The following CDH13 variants were observed in gnomAD, a reference collection of about 807,000 sequenced individuals.
The protein encoded by CDH13 is cadherin 13.
CDH13 carries 24 observed loss-of-function variants against 63.8 expected under a neutral mutation model. That is an observed-to-expected ratio of 0.38 (90% CI 0.27 to 0.53). The LOEUF (loss-of-function observed/expected upper bound fraction) is 0.53. Ranked by LOEUF, CDH13 falls within the 20% of genes least tolerant of loss-of-function variation. CDH13 has a pLI of 0.85. For missense variants in CDH13, 1,049 were observed against 903.1 expected (o/e 1.16, Z -2.07); for synonymous variants, 503 against 355.3 (o/e 1.42, Z -4.67).
At chr16:83,008,685 C>T (rs1913801805) in intron 2 of CDH13, among the ~76,000 whole-genome samples, 1 of 152,120 alleles carries the variant, frequency 6.6e-6, no homozygotes, top group South Asian at 2.1e-4. Flanking sequence ...CAGTGAGGAG[C>T]TTACCACCGT....
At chr16:83,257,079 A>C (rs1906385683) in intron 5 of CDH13, among the ~76,000 whole-genome samples, 1 of 151,938 alleles carries the variant, frequency 6.6e-6, no homozygotes, top group African/African-American at 2.4e-5. Context: ...TTTTGAAGGA[A>C]CCATACAGGC....
intron 3 of CDH13, among the ~76,000 whole-genome samples, chr16:83,041,528 C>A (rs188250911): frequency 6.6e-6 from 1 of 152,008 alleles, no homozygotes; most frequent in Non-Finnish European, 1.5e-5. Flanking sequence ...CCTGCTAATA[C>A]GTCTCTTACT....
rs779597476 is a variant in CDH13 at position 82,704,331 on chromosome 16, C to T, written c.45+77194C>T. 4.6e-5 allele frequency among the ~76,000 whole-genome samples: 7 copies of T among 152,334 alleles called. No homozygotes were observed. The East Asian group carries it at 9.6e-4, about 21-fold the overall frequency. On this transcript the variant is annotated intron_variant, in intron 1 of 13. Coordinates refer to ENST00000567109, the MANE Select transcript of CDH13 (RefSeq NM_001257.5). ...ATGAATCATTAAGGCTGTGTCCACC[C>T]GGATTGCTCTGGCTCTCTGGCCTGT...
At chr16:82,650,955 A>G (rs1910654278) in intron 1 of CDH13, among the ~76,000 whole-genome samples, 1 of 152,182 alleles carries the variant, frequency 6.6e-6, no homozygotes, top group South Asian at 2.1e-4. Flanking sequence ...GCTGGGCTAG[A>G]ATGGGTTTTC....
At chr16:82,780,410 T>C (rs1177295854) in intron 1 of CDH13, among the ~76,000 whole-genome samples, 1 of 152,186 alleles carries the variant, frequency 6.6e-6, no homozygotes. Flanking sequence ...AAATATTCAG[T>C]CATGACAGTC....
intron 5 of CDH13, among the ~76,000 whole-genome samples, chr16:83,276,092 G>T (rs1034127981): frequency 3.9e-5 from 6 of 152,156 alleles, no homozygotes; most frequent in Non-Finnish European, 8.8e-5. Flanking sequence ...CATCAGGATT[G>T]AACAGGCTTA....
chr16:83,438,536 T>C (rs6563908), intron 6 of CDH13, among the ~76,000 whole-genome samples: 148,834 of 152,334 alleles, frequency 0.98, 72,747 homozygotes, highest in East Asian at 1. Context: ...CTGGAGTCTT[T>C]ATTTCTAGTA....
chr16:83,765,615 A>G (rs1914326192), intron 11 of CDH13, among the ~76,000 whole-genome samples: 1 of 152,078 alleles, frequency 6.6e-6, no homozygotes, highest in East Asian at 1.9e-4. Context: ...CAAGATCTCT[A>G]TTAGCAAAGC....
At chr16:83,243,856 C>A (rs1052505520) in intron 5 of CDH13, among the ~76,000 whole-genome samples, 1 of 152,160 alleles carries the variant, frequency 6.6e-6, no homozygotes, top group Non-Finnish European at 1.5e-5. Context: ...ACCTATTGAA[C>A]ACACACTTTA....
intron 6 of CDH13, among the ~76,000 whole-genome samples, chr16:83,415,101 G>T (rs1032970528): frequency 4.6e-5 from 7 of 151,246 alleles, no homozygotes. Flanking sequence ...TTATACCACA[G>T]AAATAAAAAG....
At chr16:83,571,752 C>T (rs529107133) in intron 7 of CDH13, among the ~76,000 whole-genome samples, 1 of 152,300 alleles carries the variant, frequency 6.6e-6, no homozygotes, top group African/African-American at 2.4e-5. Flanking sequence ...CTCTTGTATT[C>T]CCAAACTGCA....
At chr16:82,880,994 G>C (rs1222969600) in intron 2 of CDH13, among the ~76,000 whole-genome samples, 1 of 152,234 alleles carries the variant, frequency 6.6e-6, no homozygotes, top group Non-Finnish European at 1.5e-5. Flanking sequence ...GTGGTGTCTA[G>C]TGTCTCTTCA....
chr16:83,430,047 C>T (rs530040208), intron 6 of CDH13, among the ~76,000 whole-genome samples: 8 of 152,168 alleles, frequency 5.3e-5, no homozygotes, highest in African/African-American at 1.9e-4. Context: ...GGTACAGACA[C>T]TATGGGACAC....
intron 7 of CDH13, among the ~76,000 whole-genome samples, chr16:83,505,302 A>G (rs547650904): frequency 2.6e-5 from 4 of 152,300 alleles, no homozygotes; most frequent in African/African-American, 9.6e-5. Flanking sequence ...AATTCAATCT[A>G]TCCTCACCTT....
At chr16:83,228,415 G>C (rs2039905107) in intron 5 of CDH13, among the ~76,000 whole-genome samples, 1 of 152,182 alleles carries the variant, frequency 6.6e-6, no homozygotes, top group African/African-American at 2.4e-5. Flanking sequence ...CAAGAAGTCT[G>C]TCTTCATCTC....
intron 10 of CDH13, among the ~76,000 whole-genome samples, chr16:83,714,296 A>T (rs1908555317): frequency 6.6e-6 from 1 of 152,120 alleles, no homozygotes; most frequent in South Asian, 2.1e-4. Context: ...TCCCTAAAAG[A>T]TTGATTTTTA....
At chr16:83,233,376 A>C (rs1024005036) in intron 5 of CDH13, among the ~76,000 whole-genome samples, 1 of 152,216 alleles carries the variant, frequency 6.6e-6, no homozygotes, top group African/African-American at 2.4e-5. Context: ...CTACGTCACC[A>C]GTCCTTGTGC....
At chr16:82,896,620 A>C (rs1266085676) in intron 2 of CDH13, among the ~76,000 whole-genome samples, 1 of 151,604 alleles carries the variant, frequency 6.6e-6, no homozygotes, top group Non-Finnish European at 1.5e-5. Context: ...AAGTGTGAAA[A>C]AATTATTAGG....
At chr16:83,167,625 C>G (rs1374336379) in intron 4 of CDH13, among the ~76,000 whole-genome samples, 1 of 151,516 alleles carries the variant, frequency 6.6e-6, no homozygotes, top group African/African-American at 2.4e-5. Context: ...GTTATCAAGA[C>G]CCTTTCTCTC....
Sources: gnomAD v4.1 joint callset for allele counts (sites outside exome capture counted in the v4.1 genomes callset) on GRCh38, gnomAD v4.1.1 for gene constraint, MANE v1.5 for transcripts, NCBI Gene and HGNC (gene_info 2026-07-23, HGNC 2026-07-21) for gene names.